LATS1: variants seen among roughly 807,000 people sequenced by gnomAD.
The protein encoded by LATS1 is serine/threonine-protein kinase LATS1.
LATS1 carries 25 observed loss-of-function variants against 106.6 expected under a neutral mutation model. That is an observed-to-expected ratio of 0.23 (90% CI 0.17 to 0.33). The LOEUF (loss-of-function observed/expected upper bound fraction) is 0.33, where lower values mean the gene tolerates loss of function less well. LATS1 is among the 10% of genes least tolerant of loss of function. The pLI is 1.00. For missense variants in LATS1, 1,040 were observed against 1,382.6 expected, an observed-to-expected ratio of 0.75 and a Z score of 3.93; for synonymous variants, 465 against 455.6, an observed-to-expected ratio of 1.02 and a Z score of -0.26.
chr6:149,661,621 A>C lies in LATS1; in HGVS notation c.*108T>G. ...GAAAATAAAATATTGTACACAGAGC[A>C]CACATATATAGCTCTGTCATATTTG... On this transcript the variant is annotated 3_prime_UTR_variant, in exon 8 of 8. Coordinates refer to ENST00000543571, the MANE Select transcript of LATS1 (RefSeq NM_004690.4). 4.9e-6 allele frequency: 4 copies of C among 809,170 alleles called. No homozygotes were observed. In the Admixed American group the frequency reaches 1.1e-4, roughly 22 times the overall value. 50.1% of individuals were successfully genotyped at this position (809,170 alleles called of 1,614,324 possible).
At chr6:149,690,019 T>C (rs533217910) in intron 3 of LATS1, among the ~76,000 whole-genome samples, 2 of 151,544 alleles carry the variant, frequency 1.3e-5, no homozygotes, top group Non-Finnish European at 2.9e-5. Context: ...TATAGAGCTC[T>C]ACCTCAAAGT....
Position 149,661,074 on chromosome 6 carries a change from CAAG to C in LATS1, c.*652_*654del, listed in dbSNP as rs1418973632. The C allele has an allele frequency of 1.2e-5, 2 of 168,632 alleles. No homozygotes were observed. Among genetic ancestry groups the C allele is most frequent in the Admixed American group, 1.1e-4 (1 of 9,258 alleles). 10.4% of individuals were successfully genotyped at this position (168,632 alleles called of 1,614,324 possible). On this transcript the variant is annotated 3_prime_UTR_variant, in exon 8 of 8. Coordinates refer to ENST00000543571, the MANE Select transcript of LATS1 (RefSeq NM_004690.4). Reference sequence around the variant, plus strand: ...GCCAGTAATTCTTGAGAAATAAATGCAAGAAGATTAAATAGATTAAATATTCCA... The same window carrying C: ...GCCAGTAATTCTTGAGAAATAAATGCAAGATTAAATAGATTAAATATTCCA...
At chr6:149,672,447 G>A (rs1023609265) in intron 7 of LATS1, among the ~76,000 whole-genome samples, 8 of 150,834 alleles carry the variant, frequency 5.3e-5, no homozygotes, top group Non-Finnish European at 1.0e-4. Flanking sequence ...GACCTCAGGT[G>A]ATCTGCCTGC....
intron 3 of LATS1, among the ~76,000 whole-genome samples, chr6:149,690,205 CTTTTTTTCTTTTT>C (rs1782655015): frequency 2.2e-5 from 3 of 138,442 alleles, no homozygotes; most frequent in African/African-American, 8.0e-5. Context: ...GTATTCTTTT[CTTTTTTTCTTTTT>C]TTTTTTTTTT....
At chr6:149,664,996 G>C (rs576932400) in intron 7 of LATS1, among the ~76,000 whole-genome samples, 100 of 152,278 alleles carry the variant, frequency 6.6e-4, no homozygotes, top group African/African-American at 2.1e-3. Context: ...TAGCAACGGA[G>C]GTGGCAATAA....
At chr6:149,676,815 G>A (rs190225747) in intron 5 of LATS1, 78 bp from the exon 6 acceptor site, 35 of 1,285,646 alleles carry the variant, frequency 2.7e-5, no homozygotes, top group Non-Finnish European at 3.4e-5. Context: ...TTCTGACATC[G>A]TGGTTTAGGG....
chr6:149,709,668 C>CA (rs1783981852), intron 1 of LATS1, among the ~76,000 whole-genome samples: 1 of 75,502 alleles, frequency 1.3e-5, no homozygotes, highest in Non-Finnish European at 2.5e-5. Context: ...AACCCCTTAT[C>CA]TTTTTTTTTT....
At chr6:149,670,094 C>T (rs1781359921) in intron 7 of LATS1, among the ~76,000 whole-genome samples, 1 of 144,212 alleles carries the variant, frequency 6.9e-6, no homozygotes, top group South Asian at 2.2e-4. Flanking sequence ...ATCGCTTGAA[C>T]CTGGGAGGTG....
Position 149,661,711 on chromosome 6 carries a change from C to A in LATS1, c.*18G>T. Reference sequence around the variant, plus strand: ...CAGGCCCTTTTACAAATCCTCATTACATTTATTTACTAGTGTGTTAAACAT... The same window carrying A: ...CAGGCCCTTTTACAAATCCTCATTAAATTTATTTACTAGTGTGTTAAACAT... On this transcript the variant is annotated 3_prime_UTR_variant, in exon 8 of 8. Coordinates refer to ENST00000543571, the MANE Select transcript of LATS1 (RefSeq NM_004690.4). The A allele has an allele frequency of 6.6e-7, 1 of 1,522,176 alleles. No homozygotes were observed. Among genetic ancestry groups the A allele is most frequent in the Non-Finnish European group, 8.8e-7 (1 of 1,139,412 alleles). The allele number at this position is 1,522,176 out of a possible 1,614,324, so 94.3% of individuals were successfully genotyped here.
rs1056135853 is a variant in LATS1 at position 149,684,288 on chromosome 6, T to C, written c.801A>G (p.Ser267=). The stretch of plus-strand genomic sequence containing the variant: ...GCTTTGTTTGAGAGTTTGGTTCCCA[T>C]GAAGGGGGAGGTGGAGTTGTACCTC... ...PPRGTTPPPP[S]WEPNSQTKRY... The change falls in exon 4 of 8, where the codon TCA becomes TCG. Residue 267 remains serine, a synonymous_variant. Coordinates refer to ENST00000543571, the MANE Select transcript of LATS1 (RefSeq NM_004690.4). 1 of 1,613,900 alleles carries C rather than the reference T, an allele frequency of 6.2e-7. No individual in the cohort carries two copies. Among genetic ancestry groups the C allele is most frequent in the Admixed American group, 1.7e-5 (1 of 59,988 alleles).
At chr6:149,663,173 T>TTTAACCTTAAAAAGGTATC (rs1185140407) in intron 7 of LATS1, among the ~76,000 whole-genome samples, 1 of 152,116 alleles carries the variant, frequency 6.6e-6, no homozygotes, top group Non-Finnish European at 1.5e-5. Flanking sequence ...TGCATTGTCA[T>TTTAACCTTAAAAAGGTATC]TTAACCAAGT....
chr6:149,713,485 G>A (rs931468176), intron 1 of LATS1, among the ~76,000 whole-genome samples: 1 of 151,096 alleles, frequency 6.6e-6, no homozygotes, highest in South Asian at 2.1e-4. Flanking sequence ...TAGTAGAGAC[G>A]GGGTTTCTCC....
At chr6:149,700,031 TACTA>T (rs1192553600) in intron 2 of LATS1, among the ~76,000 whole-genome samples, 2 of 152,232 alleles carry the variant, frequency 1.3e-5, no homozygotes, top group Non-Finnish European at 2.9e-5. Context: ...ATCCTCCAAA[TACTA>T]ACGAGAAAAA....
At chr6:149,674,852 G>A (rs1416934603) in intron 7 of LATS1, among the ~76,000 whole-genome samples, 4 of 152,050 alleles carry the variant, frequency 2.6e-5, no homozygotes, top group African/African-American at 9.7e-5. Flanking sequence ...TTGCATGAGA[G>A]GAGATCACGC....
intron 7 of LATS1, among the ~76,000 whole-genome samples, chr6:149,667,182 G>A (rs1483491688): frequency 6.6e-6 from 1 of 151,068 alleles, no homozygotes; most frequent in Admixed American, 6.6e-5. Context: ...CTCCTGTAAT[G>A]CCAGCACTTT....
intron 1 of LATS1, among the ~76,000 whole-genome samples, chr6:149,706,784 T>A (rs1161261057): frequency 6.6e-6 from 1 of 152,062 alleles, no homozygotes; most frequent in Non-Finnish European, 1.5e-5. Flanking sequence ...GGACAGCTTC[T>A]CTCCTAGAGC....
At chr6:149,674,952 C>A (rs1335761797) in intron 7 of LATS1, among the ~76,000 whole-genome samples, 1 of 151,218 alleles carries the variant, frequency 6.6e-6, no homozygotes, top group African/African-American at 2.4e-5. Context: ...CATGTCTGGC[C>A]CTCAAAGAAT....
chr6:149,674,217 G>C (rs1781591310), intron 7 of LATS1, among the ~76,000 whole-genome samples: 1 of 151,522 alleles, frequency 6.6e-6, no homozygotes, highest in South Asian at 2.1e-4. Flanking sequence ...TGGGATTACA[G>C]GGGCGCGCCA....
chr6:149,694,425 T>C (rs983539598), intron 3 of LATS1, among the ~76,000 whole-genome samples: 2 of 152,206 alleles, frequency 1.3e-5, no homozygotes, highest in African/African-American at 4.8e-5. Flanking sequence ...GCCTCCCGCA[T>C]CAGTCTCCCA....
Sources: allele counts gnomAD v4.1 joint callset (sites outside exome capture counted in the v4.1 genomes callset), GRCh38; gene constraint gnomAD v4.1.1; transcripts MANE v1.5; gene names NCBI Gene and HGNC (gene_info 2026-07-23, HGNC 2026-07-21).